Variants in C12orf42 observed in about 807,000 individuals in gnomAD.
C12orf42 encodes chromosome 12 open reading frame 42.
A neutral mutation model predicts 21.6 loss-of-function variants in C12orf42; 25 were observed. The ratio of observed to expected loss-of-function variants is 1.16; its 90% CI spans 0.84 to 1.62. C12orf42 has a LOEUF of 1.62. Among genes scored for constraint, C12orf42 ranks in the 40% most tolerant of loss-of-function variants. C12orf42 has a pLI of 0.00. For missense variants in C12orf42, 483 were observed against 459.3 expected (o/e 1.05, Z -0.47); for synonymous variants, 174 against 175.0 (o/e 0.99, Z 0.05).
chr12:103,228,881 A>T, the C12orf42 span, among the ~76,000 whole-genome samples: 1 of 147,730 alleles, frequency 6.8e-6, no homozygotes. Flanking sequence ...GGAGTTTGCC[A>T]CTCTCACTTC....
At chr12:103,364,250 G>T (rs971020856) in intron 4 of C12orf42, among the ~76,000 whole-genome samples, 1 of 151,948 alleles carries the variant, frequency 6.6e-6, no homozygotes, top group African/African-American at 2.4e-5. Context: ...ATGACCATTG[G>T]GTCAACAACG....
intron 10 of C12orf42, among the ~76,000 whole-genome samples, chr12:103,238,925 G>T (rs1337950549): frequency 2.0e-5 from 3 of 152,314 alleles, no homozygotes; most frequent in African/African-American, 7.2e-5. Context: ...GATTGACCCT[G>T]GTACTGCAGA....
chr12:103,375,099 T>C (rs966391039), intron 3 of C12orf42, among the ~76,000 whole-genome samples: 2 of 152,218 alleles, frequency 1.3e-5, no homozygotes, highest in Non-Finnish European at 2.9e-5. Flanking sequence ...CTATTTGCAC[T>C]GGATTAGCAA....
intron 2 of C12orf42, among the ~76,000 whole-genome samples, chr12:103,418,087 A>G (rs564686029): frequency 1.3e-5 from 2 of 152,338 alleles, no homozygotes; most frequent in African/African-American, 4.8e-5. Context: ...TACCACTAAC[A>G]TAGAAATGGT....
At chr12:103,078,233 A>C in the C12orf42 span, among the ~76,000 whole-genome samples, 2 of 152,190 alleles carry the variant, frequency 1.3e-5, no homozygotes, top group African/African-American at 4.8e-5. Flanking sequence ...CATCTTAATA[A>C]TTGATAGGTT....
At chr12:103,219,927 T>C in the C12orf42 span, among the ~76,000 whole-genome samples, 1 of 152,176 alleles carries the variant, frequency 6.6e-6, no homozygotes, top group Admixed American at 6.5e-5. Flanking sequence ...ACCCAAAGCA[T>C]TATAAATCAT....
the C12orf42 span, among the ~76,000 whole-genome samples, chr12:103,104,748 A>T: frequency 6.6e-6 from 1 of 152,342 alleles, no homozygotes; most frequent in South Asian, 2.1e-4. Flanking sequence ...TTCCATGTTT[A>T]TTCAGGAACA....
the C12orf42 span, among the ~76,000 whole-genome samples, chr12:103,177,140 T>G: frequency 6.6e-6 from 1 of 152,016 alleles, no homozygotes. Context: ...AAAATTCTAT[T>G]GGAAGGATAT....
At chr12:103,495,218 G>A (rs939815099) in intron 1 of C12orf42, among the ~76,000 whole-genome samples, 22 of 144,258 alleles carry the variant, frequency 1.5e-4, no homozygotes, top group Admixed American at 8.7e-4. Flanking sequence ...CACTTGGGGG[G>A]AATTAAAAGA....
At chr12:103,405,929 A>C (rs2048393333) in intron 2 of C12orf42, among the ~76,000 whole-genome samples, 1 of 152,076 alleles carries the variant, frequency 6.6e-6, no homozygotes, top group Admixed American at 6.5e-5. Flanking sequence ...ACCCTTTTTA[A>C]ATATTTAGGT....
chr12:103,177,737 C>T, the C12orf42 span, among the ~76,000 whole-genome samples: 1 of 152,056 alleles, frequency 6.6e-6, no homozygotes, highest in Admixed American at 6.6e-5. Flanking sequence ...GTTTGCCTCT[C>T]CTCCTTCTCC....
chr12:103,377,188 G>A (rs2138102476), intron 3 of C12orf42, among the ~76,000 whole-genome samples: 1 of 152,074 alleles, frequency 6.6e-6, no homozygotes. Context: ...TGTTCATATT[G>A]TTTGGTTCCC....
chr12:103,278,200 G>C (rs756828115), intron 4 of C12orf42, among the ~76,000 whole-genome samples: 1 of 152,094 alleles, frequency 6.6e-6, no homozygotes, highest in Non-Finnish European at 1.5e-5. Context: ...GCAACAATGG[G>C]GGGGCTATGT....
chr12:103,560,428 A>G, the C12orf42 span, among the ~76,000 whole-genome samples: 12 of 152,374 alleles, frequency 7.9e-5, no homozygotes, highest in Non-Finnish European at 1.0e-4. Context: ...CAGTGTCTTC[A>G]TCTTTTAAAT....
chr12:103,454,992 T>C (rs779930843), intron 2 of C12orf42, among the ~76,000 whole-genome samples: 4 of 152,170 alleles, frequency 2.6e-5, no homozygotes, highest in Admixed American at 2.6e-4. Context: ...CTTTACTTCA[T>C]AGGTTTTCGT....
intron 1 of C12orf42, among the ~76,000 whole-genome samples, chr12:103,483,370 T>A (rs1463006113): frequency 1.3e-5 from 2 of 152,220 alleles, no homozygotes; most frequent in East Asian, 3.9e-4. Flanking sequence ...CTAAAACAGC[T>A]CTAAAAAAAT....
chr12:103,439,363 C>T (rs1403451651), intron 2 of C12orf42, among the ~76,000 whole-genome samples: 25 of 151,482 alleles, frequency 1.7e-4, no homozygotes, highest in African/African-American at 4.1e-4. Flanking sequence ...ACTTCATGTC[C>T]GAAACACCAA....
chr12:103,414,192 T>G (rs1351704249), intron 2 of C12orf42, among the ~76,000 whole-genome samples: 1 of 152,178 alleles, frequency 6.6e-6, no homozygotes, highest in Admixed American at 6.5e-5. Context: ...AGGAGTAAGG[T>G]GGCATCACAT....
chr12:103,198,294 A>C, the C12orf42 span, among the ~76,000 whole-genome samples: 56,264 of 151,986 alleles, frequency 0.37, 11,084 homozygotes, highest in South Asian at 0.45. Flanking sequence ...CCTCTGCCAG[A>C]GAAGGAGCTA....
Sources: gnomAD v4.1 joint callset for allele counts (sites outside exome capture counted in the v4.1 genomes callset) on GRCh38, gnomAD v4.1.1 for gene constraint, MANE v1.5 for transcripts, NCBI Gene and HGNC (gene_info 2026-07-23, HGNC 2026-07-21) for gene names.